Variants in DAPP1 observed in about 807,000 individuals in gnomAD.
The protein encoded by DAPP1 is dual adapter for phosphotyrosine and 3-phosphotyrosine and 3-phosphoinositide.
In DAPP1, 20 loss-of-function variants were observed where a neutral mutation model predicts 41.5. The ratio of observed to expected loss-of-function variants is 0.48; its 90% confidence interval spans 0.34 to 0.70. The LOEUF is 0.70. Ranked by LOEUF, DAPP1 falls within the 30% of genes least tolerant of loss-of-function variation. The pLI, the probability that DAPP1 is intolerant of heterozygous loss-of-function variation, is 0.01. For synonymous variants in DAPP1, 113 were observed against 116.2 expected, an observed-to-expected ratio of 0.97 and a Z score of 0.18; for missense variants, 233 against 333.4, an observed-to-expected ratio of 0.70 and a Z score of 2.35.
rs72684355 is a variant in DAPP1, at chr4:99,832,504, G to A, written c.102-3119G>A. On this transcript the variant is annotated intron_variant, in intron 1 of 8. Coordinates refer to ENST00000512369, the MANE Select transcript of DAPP1 (RefSeq NM_014395.3). ...CCACTGACATCATGGAATGTAGGTG[G>A]CTGCCTGGAAAGCTCTATACTGGGC... Among the ~76,000 whole-genome samples, 773 of 152,280 alleles carry A rather than the reference G, an allele frequency of 5.1e-3. 6 individuals carry two copies. The highest frequency in any genetic ancestry group is 8.9e-3 in the Non-Finnish European group (606 of 68,018).
intron 4 of DAPP1, among the ~76,000 whole-genome samples, chr4:99,859,309 C>G (rs558001512): frequency 6.6e-6 from 1 of 152,192 alleles, no homozygotes; most frequent in Non-Finnish European, 1.5e-5. Flanking sequence ...GCTCTAGAAC[C>G]AGCTATTTCT....
chr4:99,855,096 C>T (rs1723999674), intron 4 of DAPP1, among the ~76,000 whole-genome samples: 1 of 152,158 alleles, frequency 6.6e-6, no homozygotes, highest in Non-Finnish European at 1.5e-5. Context: ...TTTAGGAGTG[C>T]AAGACAATAA....
chr4:99,852,516 G>C (rs1255068002), intron 3 of DAPP1, among the ~76,000 whole-genome samples: 1 of 152,178 alleles, frequency 6.6e-6, no homozygotes, highest in Non-Finnish European at 1.5e-5. Flanking sequence ...CCTGGGCTGA[G>C]CCCTTTTTCT....
intron 7 of DAPP1, 71 bp from the exon 8 acceptor site, chr4:99,865,963 A>AT (rs1724435120): frequency 7.0e-5 from 6 of 85,668 alleles, no homozygotes; most frequent in Middle Eastern, 4.2e-3. Context: ...TATATTATAT[A>AT]TATTATATAT....
chr4:99,828,222 A>G (rs1252801740), intron 1 of DAPP1, among the ~76,000 whole-genome samples: 1 of 152,250 alleles, frequency 6.6e-6, no homozygotes, highest in Non-Finnish European at 1.5e-5. Context: ...AAAGCTTTGC[A>G]CTGTGGTTTA....
At chr4:99,830,817 T>C (rs575447216) in intron 1 of DAPP1, among the ~76,000 whole-genome samples, 1 of 152,300 alleles carries the variant, frequency 6.6e-6, no homozygotes, top group South Asian at 2.1e-4. Flanking sequence ...TTCACCTAAG[T>C]GCCTAGGCCA....
downstream of DAPP1, among the ~76,000 whole-genome samples, chr4:99,871,931 C>T (rs1479382180): frequency 6.6e-6 from 1 of 152,202 alleles, no homozygotes; most frequent in Non-Finnish European, 1.5e-5. Flanking sequence ...GCACCCTTGG[C>T]CTTAAGCAGG....
chr4:99,842,748 T>C (rs1251864576), intron 3 of DAPP1, among the ~76,000 whole-genome samples: 1 of 152,246 alleles, frequency 6.6e-6, no homozygotes, highest in Non-Finnish European at 1.5e-5. Flanking sequence ...CCTTTTCTTC[T>C]TGTTCATTTA....
chr4:99,825,781 G>A (rs1722917823), intron 1 of DAPP1, among the ~76,000 whole-genome samples: 1 of 152,078 alleles, frequency 6.6e-6, no homozygotes, highest in African/African-American at 2.4e-5. Context: ...TATTTGAACA[G>A]GGTCCATTGC....
intron 8 of DAPP1, chr4:99,866,505 G>T: frequency 1.3e-6 from 1 of 762,414 alleles, no homozygotes; most frequent in Admixed American, 1.7e-5. Flanking sequence ...AGAGAAGAAA[G>T]TTTGCCAGAG....
At chr4:99,827,761 T>C (rs1722991821) in intron 1 of DAPP1, among the ~76,000 whole-genome samples, 1 of 152,142 alleles carries the variant, frequency 6.6e-6, no homozygotes, top group Non-Finnish European at 1.5e-5. Flanking sequence ...AGTTTAACGT[T>C]AAGACAGATT....
At chr4:99,820,647 G>T (rs913341323) in intron 1 of DAPP1, among the ~76,000 whole-genome samples, 5 of 152,166 alleles carry the variant, frequency 3.3e-5, no homozygotes, top group African/African-American at 4.8e-5. Context: ...TATAAGAGAA[G>T]TTTAGAGTAG....
chr4:99,819,408 G>A (rs766850830), intron 1 of DAPP1, among the ~76,000 whole-genome samples: 10 of 152,108 alleles, frequency 6.6e-5, no homozygotes, highest in Admixed American at 6.5e-5. Context: ...TAACATCATC[G>A]AATTGAATAT....
intron 2 of DAPP1, among the ~76,000 whole-genome samples, chr4:99,839,642 T>C (rs1265895452): frequency 3.3e-5 from 5 of 152,126 alleles, no homozygotes; most frequent in Admixed American, 2.6e-4. Context: ...GGGTGTCATA[T>C]GTCATTTCTA....
intron 1 of DAPP1, 126 bp downstream of exon 1, chr4:99,817,140 T>TG: frequency 1.6e-6 from 1 of 607,700 alleles, no homozygotes; most frequent in Non-Finnish European, 2.8e-6. Flanking sequence ...AACCATTTAT[T>TG]TTTTTCCACT....
At chr4:99,865,329 C>T (rs1434257125) in intron 7 of DAPP1, 1 of 152,140 alleles carries the variant, frequency 6.6e-6, no homozygotes, top group Non-Finnish European at 1.5e-5. Flanking sequence ...TTATTGCTTA[C>T]ATAATTTTAA....
intron 1 of DAPP1, among the ~76,000 whole-genome samples, chr4:99,831,994 T>C (rs929275212): frequency 1.3e-5 from 2 of 151,556 alleles, no homozygotes; most frequent in African/African-American, 4.8e-5. Flanking sequence ...AAACAGGTTA[T>C]ATTTCAAGGC....
intron 3 of DAPP1, among the ~76,000 whole-genome samples, chr4:99,847,110 G>A (rs781192286): frequency 1.3e-5 from 2 of 152,322 alleles, no homozygotes; most frequent in East Asian, 1.9e-4. Flanking sequence ...AAATGGCCCT[G>A]TGAGCCACTG....
intron 1 of DAPP1, among the ~76,000 whole-genome samples, chr4:99,826,057 A>G (rs1722925940): frequency 6.6e-6 from 1 of 152,360 alleles, no homozygotes; most frequent in South Asian, 2.1e-4. Context: ...AAGGAATCCC[A>G]TGGAATAGTT....
Sources: allele counts gnomAD v4.1 joint callset (sites outside exome capture counted in the v4.1 genomes callset), GRCh38; gene constraint gnomAD v4.1.1; transcripts MANE v1.5; gene names NCBI Gene and HGNC (gene_info 2026-07-23, HGNC 2026-07-21).